The following CDH13 variants were observed in gnomAD, a reference collection of about 807,000 sequenced individuals.
The protein encoded by CDH13 is cadherin 13, also known as cadherin-13.
CDH13 carries 24 observed loss-of-function variants against 63.8 expected under a neutral mutation model. The ratio of observed to expected loss-of-function variants is 0.38; its 90% CI spans 0.27 to 0.53. The LOEUF is 0.53. Among genes scored for constraint, CDH13 ranks in the 20% least tolerant of loss-of-function variants. CDH13 has a pLI of 0.85. For synonymous variants in CDH13, 503 were observed against 355.3 expected (o/e 1.42, Z -4.67); for missense variants, 1,049 against 903.1 (o/e 1.16, Z -2.07).
intron 6 of CDH13, among the ~76,000 whole-genome samples, chr16:83,448,119 T>G (rs1200624112): frequency 6.6e-6 from 1 of 152,224 alleles, no homozygotes; most frequent in Non-Finnish European, 1.5e-5. Context: ...AGATATAACT[T>G]TTAAATGATA....
chr16:82,729,881 C>A (rs1015704637), intron 1 of CDH13, among the ~76,000 whole-genome samples: 1 of 152,234 alleles, frequency 6.6e-6, no homozygotes, highest in Non-Finnish European at 1.5e-5. Flanking sequence ...CAACTCTCTA[C>A]ATCAGCTCTT....
At chr16:83,581,596 T>C (rs1240824874) in intron 7 of CDH13, among the ~76,000 whole-genome samples, 1 of 152,012 alleles carries the variant, frequency 6.6e-6, no homozygotes, top group African/African-American at 2.4e-5. Context: ...AGGCAGTGGG[T>C]TGTTTGAGTC....
intron 6 of CDH13, among the ~76,000 whole-genome samples, chr16:83,440,098 G>T (rs2072438584): frequency 6.6e-6 from 1 of 152,224 alleles, no homozygotes; most frequent in Non-Finnish European, 1.5e-5. Context: ...TAAAAAGTTT[G>T]CTTGGTCCCA....
At chr16:83,329,423 G>A (rs897106061) in intron 5 of CDH13, among the ~76,000 whole-genome samples, 3 of 150,500 alleles carry the variant, frequency 2.0e-5, no homozygotes, top group African/African-American at 4.9e-5. Flanking sequence ...TTTTAGTAGA[G>A]ATGGGGTTTC....
intron 10 of CDH13, among the ~76,000 whole-genome samples, chr16:83,705,421 G>A (rs1400021767): frequency 6.6e-6 from 1 of 152,096 alleles, no homozygotes; most frequent in Non-Finnish European, 1.5e-5. Flanking sequence ...AGGAGATGGA[G>A]ACCATCCTGG....
intron 2 of CDH13, among the ~76,000 whole-genome samples, chr16:83,009,808 G>C (rs1456192247): frequency 2.0e-5 from 3 of 152,146 alleles, no homozygotes; most frequent in Non-Finnish European, 4.4e-5. Context: ...AACAAATACA[G>C]ACTGCTGGGC....
At chr16:83,307,117 AG>A (rs1295771516) in intron 5 of CDH13, among the ~76,000 whole-genome samples, 1 of 152,192 alleles carries the variant, frequency 6.6e-6, no homozygotes, top group Non-Finnish European at 1.5e-5. Context: ...GTAACAACAC[AG>A]GGTTTGCAGT....
chr16:83,126,652 A>G (rs1267439216), intron 4 of CDH13, among the ~76,000 whole-genome samples: 1 of 152,224 alleles, frequency 6.6e-6, no homozygotes, highest in Non-Finnish European at 1.5e-5. Context: ...TCGAGAACAA[A>G]GAACAAGGGA....
At chr16:83,025,839 G>A (rs553343617) in intron 2 of CDH13, among the ~76,000 whole-genome samples, 2 of 152,172 alleles carry the variant, frequency 1.3e-5, no homozygotes, top group Admixed American at 6.5e-5. Flanking sequence ...TATAATGTAA[G>A]GTCCTGGTTC....
intron 6 of CDH13, among the ~76,000 whole-genome samples, chr16:83,348,181 C>G (rs1362103844): frequency 6.6e-6 from 1 of 152,138 alleles, no homozygotes; most frequent in African/African-American, 2.4e-5. Flanking sequence ...CAGAGAAAGA[C>G]TCCATCTAGG....
chr16:83,276,958 C>G (rs764405877), intron 5 of CDH13, among the ~76,000 whole-genome samples: 7 of 152,100 alleles, frequency 4.6e-5, no homozygotes, highest in Non-Finnish European at 7.4e-5. Context: ...CTTATAAAAC[C>G]ATTAGATCTC....
At chr16:83,422,577 G>C (rs2071750051) in intron 6 of CDH13, among the ~76,000 whole-genome samples, 2 of 152,154 alleles carry the variant, frequency 1.3e-5, no homozygotes, top group Admixed American at 6.5e-5. Flanking sequence ...CTGGTGTCTG[G>C]TTCAAAAATT....
At chr16:83,176,211 C>T (rs1222208714) in intron 4 of CDH13, among the ~76,000 whole-genome samples, 1 of 148,880 alleles carries the variant, frequency 6.7e-6, no homozygotes, top group Admixed American at 6.7e-5. Context: ...ACTTGTAAAA[C>T]GTTGTACTTA....
At chr16:83,785,096 T>C (rs1451952466) in intron 13 of CDH13, among the ~76,000 whole-genome samples, 1 of 152,168 alleles carries the variant, frequency 6.6e-6, no homozygotes, top group Non-Finnish European at 1.5e-5. Context: ...GCACAGATAA[T>C]TCGGCTGTAC....
At chr16:82,769,011 T>C (rs903511297) in intron 1 of CDH13, among the ~76,000 whole-genome samples, 2 of 152,174 alleles carry the variant, frequency 1.3e-5, no homozygotes, top group African/African-American at 4.8e-5. Flanking sequence ...GCTGGCAAGA[T>C]TGAGATAGAA....
chr16:82,960,433 A>G (rs1168928369), intron 2 of CDH13, among the ~76,000 whole-genome samples: 1 of 152,080 alleles, frequency 6.6e-6, no homozygotes, highest in African/African-American at 2.4e-5. Flanking sequence ...TACAGTGGAA[A>G]TCTTGAGTGG....
chr16:83,160,758 A>G (rs1374045058), intron 4 of CDH13, among the ~76,000 whole-genome samples: 1 of 152,226 alleles, frequency 6.6e-6, no homozygotes, highest in Admixed American at 6.5e-5. Flanking sequence ...GAGCTCAGAG[A>G]TGCTCGGAAA....
At chr16:83,337,301 G>A (rs1297263456) in intron 5 of CDH13, among the ~76,000 whole-genome samples, 4 of 152,146 alleles carry the variant, frequency 2.6e-5, no homozygotes, top group Non-Finnish European at 5.9e-5. Context: ...GTGGACAACA[G>A]GGCCCTAAAC....
At chr16:82,671,451 A>C (rs1913231064) in intron 1 of CDH13, among the ~76,000 whole-genome samples, 1 of 152,204 alleles carries the variant, frequency 6.6e-6, no homozygotes, top group African/African-American at 2.4e-5. Flanking sequence ...ACATTTATAC[A>C]CATGTCTTTT....
Sources: gnomAD v4.1 joint callset for allele counts (sites outside exome capture counted in the v4.1 genomes callset) on GRCh38, gnomAD v4.1.1 for gene constraint, MANE v1.5 for transcripts, NCBI Gene and HGNC (gene_info 2026-07-23, HGNC 2026-07-21) for gene names.